Variants in UBR7 observed in about 807,000 individuals in gnomAD.
UBR7 encodes the protein putative E3 ubiquitin-protein ligase UBR7.
Under a neutral mutation model 57.0 loss-of-function variants are expected in UBR7, and 22 were observed. The observed-to-expected ratio is 0.39, with a 90% CI of 0.28 to 0.55. UBR7 has a LOEUF of 0.55. Among genes scored for constraint, UBR7 ranks in the 20% least tolerant of loss-of-function variants. UBR7 has a pLI of 0.69. For synonymous variants in UBR7, 167 were observed against 179.8 expected, an observed-to-expected ratio of 0.93 and a Z score of 0.57; for missense variants, 395 against 513.2, an observed-to-expected ratio of 0.77 and a Z score of 2.23.
At position 93,215,257 on chromosome 14, in the gene UBR7, T is replaced by G. The variant is rs1426243483; in HGVS notation, c.577T>G (p.Trp193Gly). 1 of 1,583,974 alleles carries G rather than the reference T, an allele frequency of 6.3e-7. No homozygotes were observed. Among genetic ancestry groups the G allele is most frequent in the South Asian group, 1.2e-5 (1 of 86,610 alleles). The change falls in exon 6 of 11, where the codon TGG becomes GGG. Residue 193 changes from tryptophan (W) to glycine (G), a missense_variant. Trp to Gly is a radical substitution (Grantham distance 184). Coordinates refer to ENST00000013070, the MANE Select transcript of UBR7 (RefSeq NM_175748.4). ...QACMKRCSFL[W>G]AYAAQLAVTK... ...CTGCATGAAACGTTGTTCTTTTTTG[T>G]GGGCTTATGCTGCACAATTGGCAGG...
At chr14:93,208,688 T>G (rs925173218) in intron 1 of UBR7, among the ~76,000 whole-genome samples, 6 of 151,856 alleles carry the variant, frequency 4.0e-5, no homozygotes, top group Non-Finnish European at 8.8e-5. Context: ...GAATAGAACT[T>G]TAAAAAAAAA....
In UBR7 at chr14:93,229,038, C is replaced by T. The variant is rs990681373; in HGVS notation, c.*2003C>T. On this transcript the variant is annotated 3_prime_UTR_variant, in exon 11 of 11. Transcript: ENST00000013070. ...ATTGGACTGTCTCTTCTTGTAGAGA[C>T]TGATTTTGGCCAACATATTAATGCA... The T allele has an allele frequency of 6.3e-5, 27 of 425,606 alleles. No individual in the cohort carries two copies. Among genetic ancestry groups the T allele is most frequent in the Non-Finnish European group, 1.1e-4 (24 of 212,846 alleles). The allele number at this position is 425,606 out of a possible 1,614,324, so 26.4% of individuals were successfully genotyped here.
intron 7 of UBR7, 73 bp from the exon 8 acceptor site, chr14:93,219,139 C>A: frequency 6.5e-7 from 1 of 1,527,920 alleles, no homozygotes; most frequent in Non-Finnish European, 9.0e-7. Context: ...CTAAAGAAAT[C>A]TCTTTACAAA....
chr14:93,222,433 T>C (rs1166745079), intron 10 of UBR7, 59 bp downstream of exon 10: 5 of 1,286,272 alleles, frequency 3.9e-6, no homozygotes, highest in Non-Finnish European at 5.7e-6. Flanking sequence ...AAGGGTTTAT[T>C]TCCTTTGACG....
chr14:93,223,448 A>C, intron 10 of UBR7: 1 of 468,114 alleles, frequency 2.1e-6, no homozygotes, highest in Non-Finnish European at 3.8e-6. Context: ...CTGTAGTTTC[A>C]GCTACTTGGG....
chr14:93,212,628 T>A (rs1427685523), intron 4 of UBR7, among the ~76,000 whole-genome samples: 1 of 152,188 alleles, frequency 6.6e-6, no homozygotes, highest in Non-Finnish European at 1.5e-5. Context: ...TAGAAGTGTT[T>A]GAGTGAATGT....
At chr14:93,222,589 G>A (rs569636907) in intron 10 of UBR7, among the ~76,000 whole-genome samples, 2 of 151,952 alleles carry the variant, frequency 1.3e-5, no homozygotes, top group South Asian at 2.1e-4. Flanking sequence ...CTAAAAATAC[G>A]AAAATTAGCC....
rs767937580 is a variant in UBR7, at chr14:93,227,150, C to G, written c.*115C>G. 3 of 738,304 alleles carry G rather than the reference C, an allele frequency of 4.1e-6. No individual in the cohort carries two copies. Among genetic ancestry groups the G allele is most frequent in the Non-Finnish European group, 4.6e-6 (2 of 430,274 alleles). The allele number at this position is 738,304 out of a possible 1,614,324, so 45.7% of individuals were successfully genotyped here. A position where few individuals can be genotyped will look rare whatever the true frequency, so the allele number is the denominator to read the frequency against. ...TTCCGTCCTCCTCTGTTTGGAGAGG[C>G]CTCGCGCTCCCTTCATTCTCTTTAG... On this transcript the variant is annotated 3_prime_UTR_variant, in exon 11 of 11. Coordinates refer to ENST00000013070, the MANE Select transcript of UBR7 (RefSeq NM_175748.4).
chr14:93,212,673 A>G (rs1894509298), intron 4 of UBR7, among the ~76,000 whole-genome samples: 1 of 152,174 alleles, frequency 6.6e-6, no homozygotes, highest in African/African-American at 2.4e-5. Flanking sequence ...CTATTAACAG[A>G]AGTGAAAATT....
chr14:93,218,578 T>C lies in UBR7; in HGVS notation c.653T>C (p.Ile218Thr), dbSNP rs779174373. The C allele has an allele frequency of 9.9e-6, 16 of 1,614,016 alleles. No individual in the cohort carries two copies. Among genetic ancestry groups the C allele is most frequent in the South Asian group, 8.8e-5 (8 of 91,086 alleles). ...GGATTGGTGCGGAACATTGATGGAA[T>C]AGGTGATCAGGAAGTTATCAAACCT... is the stretch of plus-strand genomic sequence containing the variant. ...DDGLVRNIDG[I>T]GDQEVIKPEN... The change falls in exon 7 of 11, where the codon ATA becomes ACA. Residue 218 changes from isoleucine (I) to threonine (T), a missense_variant. Ile to Thr is a moderately conservative substitution (Grantham distance 89). Coordinates refer to ENST00000013070, the MANE Select transcript of UBR7 (RefSeq NM_175748.4).
Position 93,228,125 on chromosome 14 carries a change from C to A in UBR7, c.*1090C>A. Reference sequence around the variant, plus strand: ...ATTACAAACAAGGCCCGAGGCTGCACGAATGATGAGTTTTGTGTATATAAT... The same window carrying A: ...ATTACAAACAAGGCCCGAGGCTGCAAGAATGATGAGTTTTGTGTATATAAT... On this transcript the variant is annotated 3_prime_UTR_variant, in exon 11 of 11. Coordinates refer to ENST00000013070, the MANE Select transcript of UBR7 (RefSeq NM_175748.4). 1.5e-6 allele frequency: 1 copy of A among 653,096 alleles called. No individual in the cohort carries two copies. The highest frequency in any genetic ancestry group is 2.8e-6 in the Non-Finnish European group (1 of 355,398). The allele number at this position is 653,096 out of a possible 1,614,324, so 40.5% of individuals were successfully genotyped here.
chr14:93,207,755 C>G (rs774885565), intron 1 of UBR7, among the ~76,000 whole-genome samples: 3 of 152,182 alleles, frequency 2.0e-5, no homozygotes, highest in African/African-American at 4.8e-5. Flanking sequence ...CTGCTTTTCA[C>G]GAAACCACCC....
At position 93,228,232 on chromosome 14, in the gene UBR7, A is replaced by G. The variant is rs1472004434; in HGVS notation, c.*1197A>G. On this transcript the variant is annotated 3_prime_UTR_variant, in exon 11 of 11. Transcript: ENST00000013070. ...CATGGAAGGTTGTACAGAGCCCCAC[A>G]TTTGAGGGGAAGTCCTTTCAGTTGA... 5 of 484,010 alleles carry G rather than the reference A, an allele frequency of 1.0e-5. No homozygotes were observed. The East Asian group carries it at 1.8e-4, about 17-fold the overall frequency. The allele number at this position is 484,010 out of a possible 1,614,324, so 30.0% of individuals were successfully genotyped here. A position where few individuals can be genotyped will look rare whatever the true frequency, so the allele number is the denominator to read the frequency against.
rs772415636 is a variant in UBR7, at chr14:93,219,238, C to T, written c.837C>T (p.Asn279=). The change falls in exon 8 of 11, where the codon AAC becomes AAT. Residue 279 remains asparagine, a synonymous_variant. Coordinates refer to ENST00000013070, the MANE Select transcript of UBR7 (RefSeq NM_175748.4). ...LQTVFKNESL[N]AESKSGCKLQ... is the part of the protein sequence containing the mutation. ...CAGTGTTTAAGAATGAAAGCCTCAA[C>T]GCAGAATCAAAATCTGGCTGCAAAC... 2.6e-5 allele frequency: 42 copies of T among 1,614,060 alleles called. No homozygotes were observed. The highest frequency in any genetic ancestry group is 1.6e-4 in the East Asian group (7 of 44,894).
rs35241574 is a variant in UBR7 at position 93,228,275 on chromosome 14, A to AC, written c.*1244dup. 2.2e-5 allele frequency: 10 copies of AC among 461,358 alleles called. No individual in the cohort carries two copies. The highest frequency in any genetic ancestry group is 1.5e-4 in the South Asian group (10 of 64,540). The allele number at this position is 461,358 out of a possible 1,614,324, so 28.6% of individuals were successfully genotyped here. A position where few individuals can be genotyped will look rare whatever the true frequency, so the allele number is the denominator to read the frequency against. ...TCAGTTGATATGAGATCTCTTTAAC[A>AC]CCCCTCAGTCTATGTAGGAAATGCC... is the stretch of plus-strand genomic sequence containing the variant. On this transcript the variant is annotated 3_prime_UTR_variant, in exon 11 of 11. Transcript: ENST00000013070.
At chr14:93,224,897 C>A (rs1466214323) in intron 10 of UBR7, among the ~76,000 whole-genome samples, 1 of 146,280 alleles carries the variant, frequency 6.8e-6, no homozygotes, top group Admixed American at 7.0e-5. Flanking sequence ...GGTGCTGTTG[C>A]ACCTCCACTC....
intron 10 of UBR7, 119 bp downstream of exon 10, chr14:93,222,493 C>T: frequency 2.5e-6 from 2 of 786,582 alleles, no homozygotes; most frequent in Non-Finnish European, 4.4e-6. Flanking sequence ...ACCTGTAATC[C>T]CAGTACTTTG....
At position 93,207,256 on chromosome 14, in the gene UBR7, G is replaced by C. The variant is rs765938825; in HGVS notation, c.-36G>C. 12 of 1,548,786 alleles carry C rather than the reference G, an allele frequency of 7.7e-6. No homozygotes were observed. Among genetic ancestry groups the C allele is most frequent in the East Asian group, 2.4e-5 (1 of 40,902 alleles). ...CCTCACGGCCGCTTTTCCCGCCTCC[G>C]CCGGGGCCGAGCCGCTGTTCGGCTG... On this transcript the variant is annotated 5_prime_UTR_variant, in exon 1 of 11. Transcript: ENST00000013070.
intron 9 of UBR7, among the ~76,000 whole-genome samples, chr14:93,221,296 T>C (rs1009746909): frequency 6.6e-6 from 1 of 152,072 alleles, no homozygotes; most frequent in African/African-American, 2.4e-5. Context: ...GTATTTTTAG[T>C]AGAGACAAGG....
Sources: allele counts gnomAD v4.1 joint callset (sites outside exome capture counted in the v4.1 genomes callset), GRCh38; gene constraint gnomAD v4.1.1; transcripts MANE v1.5; gene names NCBI Gene and HGNC (gene_info 2026-07-23, HGNC 2026-07-21).